The following FLVCR2 variants were observed in gnomAD, a reference collection of about 807,000 sequenced individuals.
FLVCR2 encodes the protein choline/ethanolamine transporter FLVCR2.
In FLVCR2, 38 loss-of-function variants were observed where a neutral mutation model predicts 48.9. The observed-to-expected ratio is 0.78, with a 90% CI of 0.60 to 1.02. The LOEUF is 1.02. FLVCR2 is among the 50% of genes least tolerant of loss of function. FLVCR2 has a pLI of 0.00. For missense variants in FLVCR2, 664 were observed against 663.3 expected, an observed-to-expected ratio of 1.00 and a Z score of -0.01; for synonymous variants, 255 against 257.0, an observed-to-expected ratio of 0.99 and a Z score of 0.07.
chr14:75,612,046 T>A (rs2140027994), intron 1 of FLVCR2, among the ~76,000 whole-genome samples: 1 of 152,238 alleles, frequency 6.6e-6, no homozygotes, highest in African/African-American at 2.4e-5. Flanking sequence ...AAATGCCAAT[T>A]TCCTCCACTT....
At chr14:75,642,830 G>A (rs1890333104) in intron 9 of FLVCR2, among the ~76,000 whole-genome samples, 1 of 152,054 alleles carries the variant, frequency 6.6e-6, no homozygotes, top group African/African-American at 2.4e-5. Context: ...TTCACTTATT[G>A]CAAGCACTTT....
chr14:75,597,577 C>CTT lies in FLVCR2; in HGVS notation c.669+17945_669+17946dup, dbSNP rs149988837. ...AAAGGGGCCCAGCATTTTGTATTCT[C>CTT]TTTTTTTTTTGAGATAGAGTCTCAC... On this transcript the variant is annotated intron_variant, in intron 1 of 9. Coordinates refer to ENST00000238667, the MANE Select transcript of FLVCR2 (RefSeq NM_017791.3). 7.4e-5 allele frequency among the ~76,000 whole-genome samples: 11 copies of CTT among 148,648 alleles called. 1 individual carries two copies. Among genetic ancestry groups the CTT allele is most frequent in the South Asian group, 4.3e-4 (2 of 4,680 alleles).
chr14:75,640,405 T>TTGTGTGTG (rs10562124), intron 6 of FLVCR2, among the ~76,000 whole-genome samples: 36 of 148,488 alleles, frequency 2.4e-4, no homozygotes, highest in African/African-American at 8.2e-4. Context: ...ATATGAGTGT[T>TTGTGTGTG]TGTGTGTGTG....
chr14:75,583,879 A>C (rs926159736), intron 1 of FLVCR2, among the ~76,000 whole-genome samples: 4 of 152,170 alleles, frequency 2.6e-5, no homozygotes, highest in African/African-American at 4.8e-5. Flanking sequence ...TGTAAGAGTT[A>C]CCTGAAGCTC....
chr14:75,640,022 G>T (rs1449368510), intron 6 of FLVCR2, among the ~76,000 whole-genome samples: 1 of 152,176 alleles, frequency 6.6e-6, no homozygotes, highest in African/African-American at 2.4e-5. Context: ...CACTTTGGGA[G>T]TCCAAGGCAG....
At chr14:75,619,217 C>A (rs993857171) in intron 1 of FLVCR2, among the ~76,000 whole-genome samples, 41 of 151,904 alleles carry the variant, frequency 2.7e-4, no homozygotes, top group African/African-American at 9.4e-4. Context: ...CAGAGTGAGA[C>A]CCCGTCTCAG....
intron 2 of FLVCR2, among the ~76,000 whole-genome samples, chr14:75,624,371 A>G (rs536543523): frequency 6.6e-6 from 1 of 152,324 alleles, no homozygotes; most frequent in South Asian, 2.1e-4. Context: ...TAAAGAAAAA[A>G]AAAAAGAAAA....
chr14:75,627,653 T>A (rs1057392110), intron 3 of FLVCR2, among the ~76,000 whole-genome samples: 1 of 152,212 alleles, frequency 6.6e-6, no homozygotes, highest in Non-Finnish European at 1.5e-5. Flanking sequence ...TAGGACATGT[T>A]GCTATTTAAC....
chr14:75,596,459 G>A (rs912248430), intron 1 of FLVCR2, among the ~76,000 whole-genome samples: 2 of 152,044 alleles, frequency 1.3e-5, no homozygotes, highest in Middle Eastern at 3.2e-3. Context: ...GAGCTTGAGA[G>A]TTTTCATCCT....
rs147082572 is a variant in FLVCR2 at position 75,629,166 on chromosome 14, G to A, written c.952+4414G>A. The stretch of plus-strand genomic sequence containing the variant: ...TAGACTTCTGGCTACACTCTTAGAG[G>A]TAGGGTTGAGAGATAAAATAAAGAC... On this transcript the variant is annotated intron_variant, in intron 3 of 9. Coordinates refer to ENST00000238667, the MANE Select transcript of FLVCR2 (RefSeq NM_017791.3). Among the ~76,000 whole-genome samples the A allele has an allele frequency of 2.6e-5, 4 of 152,278 alleles. No individual in the cohort carries two copies. In the East Asian group the frequency reaches 7.7e-4, roughly 29 times the overall value.
intron 1 of FLVCR2, chr14:75,605,880 T>A (rs554823074): frequency 2.0e-6 from 1 of 503,140 alleles, no homozygotes; most frequent in East Asian, 3.5e-5. Flanking sequence ...TGGAAACTCC[T>A]GATTTCTGCA....
chr14:75,645,841 C>G (rs1403328132), intron 9 of FLVCR2, among the ~76,000 whole-genome samples: 1 of 149,338 alleles, frequency 6.7e-6, no homozygotes, highest in Non-Finnish European at 1.5e-5. Flanking sequence ...TCACTTGAAC[C>G]TGGGAGGCGG....
At chr14:75,632,778 G>T (rs2140047130) in intron 3 of FLVCR2, 1 of 702,092 alleles carries the variant, frequency 1.4e-6, no homozygotes, top group Non-Finnish European at 2.6e-6. Context: ...TTATGGAGTG[G>T]CAGTACTTAT....
At position 75,579,432 on chromosome 14, in the gene FLVCR2, GCT is replaced by G; in HGVS notation, c.464_465del (p.Leu155HisfsTer54). Reference protein sequence around the residue: ...LLEKFGLRTIALTGSALNCLG... With the variant: ...LLEKFGLRTIXLTGSALNCLG... ...GGAGAAGTTCGGCCTGCGCACCATTGCTCTCACTGGCTCGGCTCTCAACTGCC... is the reference window on the plus strand; with the variant it reads ...GGAGAAGTTCGGCCTGCGCACCATTGCTCACTGGCTCGGCTCTCAACTGCC... On this transcript the variant is annotated frameshift_variant, in exon 1 of 10. Transcript: ENST00000238667. LOFTEE classifies it high-confidence loss of function. 1.2e-6 allele frequency: 2 copies of G among 1,613,918 alleles called. No homozygotes were observed. The highest frequency in any genetic ancestry group is 1.7e-6 in the Non-Finnish European group (2 of 1,180,022).
At position 75,579,426 on chromosome 14, in the gene FLVCR2, A is replaced by C. The variant is rs1594785828; in HGVS notation, c.454A>C (p.Thr152Pro). 6.2e-7 allele frequency: 1 copy of C among 1,613,874 alleles called. No homozygotes were observed. Among genetic ancestry groups the C allele is most frequent in the South Asian group, 1.1e-5 (1 of 91,082 alleles). The change falls in exon 1 of 10, where the codon ACC becomes CCC. Residue 152 changes from threonine to proline, a missense_variant. By Grantham distance (38) the Thr-to-Pro change is conservative (BLOSUM62 -1). Transcript: ENST00000238667. ...GCTGCTGGAGAAGTTCGGCCTGCGC[A>C]CCATTGCTCTCACTGGCTCGGCTCT... Reference protein sequence around the residue: ...AWLLEKFGLRTIALTGSALNC... With the variant: ...AWLLEKFGLRPIALTGSALNC...
chr14:75,597,001 A>C (rs4903332), intron 1 of FLVCR2, among the ~76,000 whole-genome samples: 1 of 151,940 alleles, frequency 6.6e-6, no homozygotes, highest in African/African-American at 2.4e-5. Flanking sequence ...CAGTTTGAAC[A>C]TCAGGCATGG....
Position 75,633,705 on chromosome 14 carries a change from G to A in FLVCR2, c.1020+9G>A, listed in dbSNP as rs747816671. 6.2e-7 allele frequency: 1 copy of A among 1,608,794 alleles called. No homozygotes were observed. The highest frequency in any genetic ancestry group is 1.1e-5 in the South Asian group (1 of 90,980). ...TGATCTGGCACTACCCGGTAAGGGA[G>A]TTCCCTAAGCATGTTGGGCCTCAAG... is the stretch of plus-strand genomic sequence containing the variant. On this transcript the variant is annotated intron_variant, in intron 4 of 9. Transcript: ENST00000238667.
chr14:75,597,995 G>A (rs570511166), intron 1 of FLVCR2, among the ~76,000 whole-genome samples: 1 of 152,028 alleles, frequency 6.6e-6, no homozygotes, highest in Non-Finnish European at 1.5e-5. Flanking sequence ...TTCTTGTCAG[G>A]GCTGATTTTT....
At chr14:75,645,678 G>A (rs1890405182) in intron 9 of FLVCR2, among the ~76,000 whole-genome samples, 1 of 152,144 alleles carries the variant, frequency 6.6e-6, no homozygotes, top group African/African-American at 2.4e-5. Context: ...AGCACTTTGG[G>A]AGGCCAAGGT....
Sources: allele counts gnomAD v4.1 joint callset (sites outside exome capture counted in the v4.1 genomes callset), GRCh38; gene constraint gnomAD v4.1.1; transcripts MANE v1.5; gene names NCBI Gene and HGNC (gene_info 2026-07-23, HGNC 2026-07-21).